The following CGGBP1 variants were observed in gnomAD, a reference collection of about 807,000 sequenced individuals.
CGGBP1 encodes CGG triplet repeat binding protein 1.
In CGGBP1, 4 loss-of-function variants were observed where a neutral mutation model predicts 11.4. The observed-to-expected ratio is 0.35, with a 90% CI of 0.17 to 0.80. The LOEUF (loss-of-function observed/expected upper bound fraction) is 0.80. Ranked by LOEUF, CGGBP1 falls within the 30% of genes least tolerant of loss-of-function variation. The pLI is 0.52. For missense variants in CGGBP1, 135 were observed against 202.1 expected (o/e 0.67, Z 2.01); for synonymous variants, 76 against 74.1 (o/e 1.03, Z -0.13).
chr3:88,121,348 T>C (rs888434580), intron 2 of CGGBP1, among the ~76,000 whole-genome samples: 2 of 152,138 alleles, frequency 1.3e-5, no homozygotes, highest in African/African-American at 4.8e-5. Context: ...AATGGCATAA[T>C]AGAAGCATTA....
chr3:88,071,252 G>A (rs1707494299), intron 2 of CGGBP1, among the ~76,000 whole-genome samples: 1 of 152,174 alleles, frequency 6.6e-6, no homozygotes, highest in African/African-American at 2.4e-5. Context: ...GCTCGCGGCT[G>A]TAATCCCAGC....
rs1302608804 is a variant in CGGBP1, at chr3:88,054,103, T to TA, written c.*1369dup. On this transcript the variant is annotated 3_prime_UTR_variant, in exon 4 of 4. Transcript: ENST00000482016. ...TTCTTTTATAAATGAAGATTTGTGG[T>TA]AAAAGTCAAAGATAACTCCAAGTCA... is the stretch of plus-strand genomic sequence containing the variant. The TA allele has an allele frequency of 6.6e-6, 1 of 152,578 alleles. No homozygotes were observed. Among genetic ancestry groups the TA allele is most frequent in the East Asian group, 1.9e-4 (1 of 5,200 alleles). 9.5% of individuals were successfully genotyped at this position (152,578 alleles called of 1,614,324 possible).
At chr3:88,087,156 G>T (rs1014040038) in intron 2 of CGGBP1, among the ~76,000 whole-genome samples, 20 of 152,076 alleles carry the variant, frequency 1.3e-4, no homozygotes. Flanking sequence ...TTGGTTCACC[G>T]CAACCTCTAC....
chr3:88,057,129 C>G (rs547632450), intron 3 of CGGBP1, 62 bp downstream of exon 3: 2 of 152,240 alleles, frequency 1.3e-5, no homozygotes, highest in South Asian at 4.1e-4. Flanking sequence ...TCTAAGTGTG[C>G]TCTGAAGAAT....
chr3:88,110,876 G>A (rs1215764093), intron 2 of CGGBP1, among the ~76,000 whole-genome samples: 2 of 152,064 alleles, frequency 1.3e-5, no homozygotes, highest in African/African-American at 2.4e-5. Flanking sequence ...AAGGTTTGAT[G>A]TGTTTTGCCT....
At chr3:88,112,658 T>C (rs1229585955) in intron 2 of CGGBP1, among the ~76,000 whole-genome samples, 1 of 152,024 alleles carries the variant, frequency 6.6e-6, no homozygotes, top group Non-Finnish European at 1.5e-5. Flanking sequence ...GAGAGTTTTA[T>C]GGTGATTTTC....
chr3:88,101,712 AT>A (rs1704436437), intron 2 of CGGBP1, among the ~76,000 whole-genome samples: 1 of 152,150 alleles, frequency 6.6e-6, no homozygotes, highest in Non-Finnish European at 1.5e-5. Context: ...TGTTAGATGT[AT>A]GATTAGTTTA....
intron 2 of CGGBP1, among the ~76,000 whole-genome samples, chr3:88,119,386 G>T: frequency 6.8e-5 from 1 of 14,688 alleles, no homozygotes. Context: ...GGACTGTTGT[G>T]GGGTGGGGGG....
chr3:88,112,771 G>C (rs1379106540), intron 2 of CGGBP1, among the ~76,000 whole-genome samples: 6 of 151,916 alleles, frequency 3.9e-5, no homozygotes, highest in Admixed American at 2.6e-4. Context: ...GGTGAAGCTG[G>C]ACTTTGGGTT....
upstream of CGGBP1, among the ~76,000 whole-genome samples, chr3:88,061,991 C>T (rs1283881985): frequency 1.3e-5 from 2 of 152,142 alleles, no homozygotes; most frequent in African/African-American, 4.8e-5. Context: ...GTTGTGTGGG[C>T]AAAGGGAGAG....
chr3:88,076,110 A>G (rs1707788532), intron 2 of CGGBP1, among the ~76,000 whole-genome samples: 1 of 152,188 alleles, frequency 6.6e-6, no homozygotes, highest in African/African-American at 2.4e-5. Context: ...TTTTAAGGTA[A>G]TCTCCCTGCT....
Position 88,141,862 on chromosome 3 carries a change from C to G in CGGBP1, c.-337-784G>C, listed in dbSNP as rs879189111. 6 of 397,754 alleles carry G rather than the reference C, an allele frequency of 1.5e-5. No homozygotes were observed. The South Asian group carries it at 4.3e-4, about 29-fold the overall frequency. 24.6% of individuals were successfully genotyped at this position (397,754 alleles called of 1,614,324 possible). On this transcript the variant is annotated intron_variant, in intron 1 of 3. Transcript: ENST00000462901. ...AAAGGATTATAAAACTCCCAAAGTA[C>G]CAGTTTTCCAGAAAACCACATTTTA... is the stretch of plus-strand genomic sequence containing the variant.
intron 1 of CGGBP1, chr3:88,143,994 G>C (rs1257247013): frequency 6.6e-6 from 1 of 152,258 alleles, no homozygotes; most frequent in Non-Finnish European, 1.5e-5. Flanking sequence ...TTATTCCTCA[G>C]ATTCTTCTTT....
At chr3:88,077,322 C>G (rs1707860649) in intron 2 of CGGBP1, among the ~76,000 whole-genome samples, 1 of 151,292 alleles carries the variant, frequency 6.6e-6, no homozygotes, top group African/African-American at 2.4e-5. Context: ...GAAAAAGTTG[C>G]AGACTTAAAT....
At chr3:88,057,964 T>C (rs1382479234) in intron 2 of CGGBP1, 55 bp downstream of exon 2, 1 of 152,192 alleles carries the variant, frequency 6.6e-6, no homozygotes, top group Non-Finnish European at 1.5e-5. Flanking sequence ...AAAAAGCATA[T>C]CGTTTGCTAG....
chr3:88,077,357 G>A (rs975890853), intron 2 of CGGBP1, among the ~76,000 whole-genome samples: 14 of 145,322 alleles, frequency 9.6e-5, no homozygotes, highest in African/African-American at 3.1e-4. Flanking sequence ...TTTTTGAGAC[G>A]GAGTCTCGCT....
chr3:88,060,436 G>T (rs529979646), upstream of CGGBP1, among the ~76,000 whole-genome samples: 1 of 152,126 alleles, frequency 6.6e-6, no homozygotes, highest in Non-Finnish European at 1.5e-5. Flanking sequence ...AATTTAAACG[G>T]TTTGTTCCCA....
At chr3:88,131,694 T>TA (rs1349780310) in intron 2 of CGGBP1, among the ~76,000 whole-genome samples, 4 of 152,176 alleles carry the variant, frequency 2.6e-5, no homozygotes, top group Admixed American at 2.6e-4. Flanking sequence ...AAGGAGTCTT[T>TA]AGCCTTCTTT....
At chr3:88,139,603 C>G (rs1176795363) in intron 2 of CGGBP1, 1 of 1,613,564 alleles carries the variant, frequency 6.2e-7, no homozygotes, top group African/African-American at 1.3e-5. Context: ...ACACTTACTG[C>G]TTCTAGTGAA....
Sources: gnomAD v4.1 joint callset for allele counts (sites outside exome capture counted in the v4.1 genomes callset) on GRCh38, gnomAD v4.1.1 for gene constraint, MANE v1.5 for transcripts, NCBI Gene and HGNC (gene_info 2026-07-23, HGNC 2026-07-21) for gene names.